The following TAF4 variants were observed in gnomAD, a reference collection of about 807,000 sequenced individuals.
TAF4 encodes transcription initiation factor TFIID subunit 4.
In TAF4, 9 loss-of-function variants were observed where a neutral mutation model predicts 90.3. The observed-to-expected ratio is 0.10, with a 90% CI of 0.06 to 0.17. The LOEUF is 0.17. Among genes scored for constraint, TAF4 ranks in the 10% least tolerant of loss-of-function variants. The pLI is 1.00. For synonymous variants in TAF4, 818 were observed against 638.9 expected (o/e 1.28, Z -4.23); for missense variants, 1,351 against 1,370.7 (o/e 0.99, Z 0.23).
At chr20:62,025,157 G>A (rs1314724852) in intron 1 of TAF4, among the ~76,000 whole-genome samples, 1 of 150,726 alleles carries the variant, frequency 6.6e-6, no homozygotes, top group African/African-American at 2.4e-5. Flanking sequence ...TGTAGGACCT[G>A]CCATTCCACC....
chr20:62,009,581 G>A (rs912850884), intron 4 of TAF4, among the ~76,000 whole-genome samples: 3 of 152,346 alleles, frequency 2.0e-5, no homozygotes, highest in Admixed American at 6.5e-5. Context: ...CCAAAAAGGC[G>A]TCAAGTGGGG....
intron 1 of TAF4, among the ~76,000 whole-genome samples, chr20:62,024,797 G>A (rs1363255531): frequency 5.3e-5 from 8 of 151,968 alleles, no homozygotes; most frequent in African/African-American, 1.9e-4. Context: ...GTGAACCCAG[G>A]AGGCGGAGCT....
intron 1 of TAF4, among the ~76,000 whole-genome samples, chr20:62,033,585 A>T (rs1825795234): frequency 6.6e-6 from 1 of 152,122 alleles, no homozygotes; most frequent in Non-Finnish European, 1.5e-5. Flanking sequence ...AAAAATACAA[A>T]AATTAGCCAG....
intron 1 of TAF4, among the ~76,000 whole-genome samples, chr20:62,057,517 C>T (rs531547584): frequency 2.4e-4 from 37 of 152,236 alleles, no homozygotes; most frequent in Non-Finnish European, 4.6e-4. Flanking sequence ...GGCTACGCTC[C>T]TCTCACAACT....
At position 62,009,106 on chromosome 20, in the gene TAF4, G is replaced by C. The variant is rs1302763387; in HGVS notation, c.1830C>G (p.Gly610=). ...TAGCTGCTGTCTCTGTAGACTGCTTGCCAGATGAAGCCAGTTTTATTAACG... is the reference window on the plus strand; with the variant it reads ...TAGCTGCTGTCTCTGTAGACTGCTTCCCAGATGAAGCCAGTTTTATTAACG... The part of the protein sequence containing the change: ...LSTLIKLASS[G]KQSTETAANV... Residue 610 remains glycine (G), a synonymous_variant, in exon 5 of 15, where the codon GGC becomes GGG. Coordinates refer to ENST00000252996, the MANE Select transcript of TAF4 (RefSeq NM_003185.4). 1.9e-6 allele frequency: 3 copies of C among 1,613,770 alleles called. No individual in the cohort carries two copies. The highest frequency in any genetic ancestry group is 2.2e-5 in the South Asian group (2 of 90,932).
At position 62,006,719 on chromosome 20, in the gene TAF4, C is replaced by T. The variant is rs767666911; in HGVS notation, c.2014G>A (p.Ala672Thr). Reference protein sequence around the residue: ...PALRQLTPDSAAFIQQSQQQP... With the variant: ...PALRQLTPDSTAFIQQSQQQP... Reference sequence around the variant, plus strand: ...TGCTGGCTCTGCTGGATGAAGGCCGCGGAGTCGGGGGTCAGCTGTCTCAAG... The same window carrying T: ...TGCTGGCTCTGCTGGATGAAGGCCGTGGAGTCGGGGGTCAGCTGTCTCAAG... Residue 672 changes from alanine (A) to threonine (T), a missense_variant, in exon 7 of 15, where the codon GCG becomes ACG. Physicochemically the swap from Ala to Thr is moderately conservative, Grantham distance 58. Transcript: ENST00000252996. This position sits in a 1 kb window ranked among gnomAD's most constrained non-coding sequence, Gnocchi z 7.0. The T allele has an allele frequency of 1.9e-5, 30 of 1,564,694 alleles. No individual in the cohort carries two copies. In the African/African-American group the frequency reaches 2.9e-4, roughly 15 times the overall value.
rs142826042 is a variant in TAF4 at position 62,006,590 on chromosome 20, T to C, written c.2143A>G (p.Ser715Gly). ...CTGAGCACAGGGGGCTGGAGGGCACTGGTCACGGTGGCCGCCGTCTTCCCG... is the reference window on the plus strand; with the variant it reads ...CTGAGCACAGGGGGCTGGAGGGCACCGGTCACGGTGGCCGCCGTCTTCCCG... ...TAGKTAATVT[S>G]ALQPPVLSLT... Residue 715 changes from serine (S) to glycine (G), a missense_variant, in exon 7 of 15, where the codon AGT becomes GGT. This residue lies in a region of TAF4 where 202 missense variants were observed against 229.7 expected (regional missense o/e 0.88). Coordinates refer to ENST00000252996, the MANE Select transcript of TAF4 (RefSeq NM_003185.4). The surrounding 1 kb of genome is among the most constrained non-coding windows in gnomAD (Gnocchi z 7.0). 1.8e-3 allele frequency: 2,923 copies of C among 1,597,540 alleles called. 20 individuals carry two copies. Among genetic ancestry groups the C allele is most frequent in the Non-Finnish European group, 1.3e-3 (1,540 of 1,174,292 alleles).
chr20:61,992,784 T>C (rs1244114656), intron 14 of TAF4, among the ~76,000 whole-genome samples: 3 of 152,264 alleles, frequency 2.0e-5, no homozygotes, highest in Non-Finnish European at 4.4e-5. Context: ...GCCTGACACA[T>C]GTTAACGTCC....
intron 1 of TAF4, among the ~76,000 whole-genome samples, chr20:62,056,821 T>G (rs1161614955): frequency 6.6e-6 from 1 of 152,170 alleles, no homozygotes; most frequent in African/African-American, 2.4e-5. Context: ...ACTAATTTTA[T>G]CATCAAAAAA....
chr20:62,022,084 A>T lies in TAF4; in HGVS notation c.1361-7377T>A, dbSNP rs1022623583. ...CCCAGGATGGACCCCTGGGGACACA[A>T]ATCTAAGAAAATCCCTCCCTCCCTT... On this transcript the variant is annotated intron_variant, in intron 1 of 14. Coordinates refer to ENST00000252996, the MANE Select transcript of TAF4 (RefSeq NM_003185.4). 1.3e-4 allele frequency among the ~76,000 whole-genome samples: 16 copies of T among 124,534 alleles called. 1 individual carries two copies. The highest frequency in any genetic ancestry group is 4.1e-4 in the African/African-American group (16 of 38,924). 81.7% of individuals were successfully genotyped at this position (124,534 alleles called of 152,430 possible). A position where few individuals can be genotyped will look rare whatever the true frequency, so the allele number is the denominator to read the frequency against.
At chr20:62,024,254 G>A (rs748403614) in intron 1 of TAF4, among the ~76,000 whole-genome samples, 10 of 152,140 alleles carry the variant, frequency 6.6e-5, no homozygotes, top group Admixed American at 4.6e-4. Context: ...CCCCTGGACC[G>A]ACACCCCATA....
At chr20:61,981,770 G>C (rs2055542546) in intron 14 of TAF4, among the ~76,000 whole-genome samples, 1 of 151,068 alleles carries the variant, frequency 6.6e-6, no homozygotes, top group Non-Finnish European at 1.5e-5. Context: ...CCCGAGAGGA[G>C]ACACCAAACC....
intron 1 of TAF4, among the ~76,000 whole-genome samples, chr20:62,059,214 A>G (rs2056076552): frequency 6.6e-6 from 1 of 152,232 alleles, no homozygotes; most frequent in South Asian, 2.1e-4. Context: ...GGCCTGGAGA[A>G]GAGCCTGGGA....
intron 4 of TAF4, 137 bp from the exon 5 acceptor site, chr20:62,009,311 C>T (rs2055765043): frequency 4.3e-6 from 4 of 921,946 alleles, no homozygotes; most frequent in Non-Finnish European, 6.2e-6. Flanking sequence ...AAACGCACCA[C>T]CTCTTGGAAC....
At chr20:61,984,224 G>A (rs1190923357) in intron 14 of TAF4, among the ~76,000 whole-genome samples, 1 of 152,096 alleles carries the variant, frequency 6.6e-6, no homozygotes, top group Non-Finnish European at 1.5e-5. Context: ...ACCCACAGAC[G>A]CTGACTGCAC....
At chr20:62,045,008 A>C (rs1464529592) in intron 1 of TAF4, among the ~76,000 whole-genome samples, 4 of 152,236 alleles carry the variant, frequency 2.6e-5, no homozygotes, top group Non-Finnish European at 5.9e-5. Flanking sequence ...GGGGGAGAAA[A>C]GAGGCCACCT....
chr20:62,061,785 A>G (rs2056090059), intron 1 of TAF4, among the ~76,000 whole-genome samples: 1 of 152,244 alleles, frequency 6.6e-6, no homozygotes, highest in African/African-American at 2.4e-5. Context: ...TCCTCAGTGA[A>G]TAAAATCTAA....
At chr20:62,017,840 A>C (rs1281942619) in intron 1 of TAF4, among the ~76,000 whole-genome samples, 1 of 152,202 alleles carries the variant, frequency 6.6e-6, no homozygotes, top group African/African-American at 2.4e-5. Flanking sequence ...CCTCAAAAAA[A>C]AAGAAAAAAA....
chr20:62,000,778 G>C, intron 9 of TAF4, 57 bp from the exon 10 acceptor site: 1 of 1,595,376 alleles, frequency 6.3e-7, no homozygotes, highest in Non-Finnish European at 8.6e-7. Flanking sequence ...CGGGAGGTGG[G>C]CTGGGGTGGT....
Sources: gnomAD v4.1 joint callset for allele counts (sites outside exome capture counted in the v4.1 genomes callset) on GRCh38, gnomAD v4.1.1 for gene constraint, gnomAD v4.1.1 regional missense constraint, Gnocchi (gnomAD v3.1) non-coding constraint, MANE v1.5 for transcripts, NCBI Gene and HGNC (gene_info 2026-07-23, HGNC 2026-07-21) for gene names.